ATP10A: variants seen among roughly 807,000 people sequenced by gnomAD.
ATP10A encodes the protein phospholipid-transporting ATPase VA.
ATP10A carries 111 observed loss-of-function variants against 147.8 expected under a neutral mutation model. That is an observed-to-expected ratio of 0.75 (90% CI 0.64 to 0.88). The LOEUF is 0.88. Among genes scored for constraint, ATP10A ranks in the 40% least tolerant of loss-of-function variants. The pLI, the probability that ATP10A is intolerant of heterozygous loss-of-function variation, is 0.00. For missense variants in ATP10A, 1,927 were observed against 1,959.0 expected (o/e 0.98, Z 0.31); for synonymous variants, 875 against 841.6 (o/e 1.04, Z -0.69).
chr15:25,688,787 A>G (rs760290354), intron 15 of ATP10A, among the ~76,000 whole-genome samples: 10 of 152,260 alleles, frequency 6.6e-5, no homozygotes, highest in Middle Eastern at 3.4e-3. Flanking sequence ...TAGAACATCA[A>G]TTTTCTGAAC....
chr15:25,770,151 G>A (rs974338284), intron 2 of ATP10A, among the ~76,000 whole-genome samples: 5 of 151,012 alleles, frequency 3.3e-5, no homozygotes, highest in African/African-American at 5.0e-5. Flanking sequence ...AACACGACCC[G>A]GGCGAGGTGG....
intron 10 of ATP10A, among the ~76,000 whole-genome samples, chr15:25,711,344 C>G: frequency 6.6e-6 from 1 of 152,218 alleles, no homozygotes; most frequent in Non-Finnish European, 1.5e-5. Flanking sequence ...ACAGGCAGAG[C>G]GATTCCCAGG....
intron 2 of ATP10A, among the ~76,000 whole-genome samples, chr15:25,772,716 C>T (rs1019682873): frequency 6.6e-6 from 1 of 152,188 alleles, no homozygotes; most frequent in African/African-American, 2.4e-5. Flanking sequence ...AGATCTGGCA[C>T]AATTCCTAAC....
At chr15:25,826,875 C>A (rs1892138207) in intron 1 of ATP10A, among the ~76,000 whole-genome samples, 3 of 152,134 alleles carry the variant, frequency 2.0e-5, no homozygotes, top group African/African-American at 7.2e-5. Context: ...CATCTATCTG[C>A]ACATGTAAGA....
intron 2 of ATP10A, among the ~76,000 whole-genome samples, chr15:25,740,673 G>T (rs927110612): frequency 6.6e-6 from 1 of 152,204 alleles, no homozygotes; most frequent in South Asian, 2.1e-4. Context: ...CATGGTCCTC[G>T]AAGGCTCTCA....
At chr15:25,699,444 C>T (rs1026068094) in intron 13 of ATP10A, among the ~76,000 whole-genome samples, 1 of 152,014 alleles carries the variant, frequency 6.6e-6, no homozygotes, top group African/African-American at 2.4e-5. Flanking sequence ...GAAATGTGAC[C>T]CAAAATGGAC....
intron 1 of ATP10A, among the ~76,000 whole-genome samples, chr15:25,836,268 C>T (rs538769986): frequency 5.9e-5 from 9 of 152,276 alleles, no homozygotes; most frequent in Admixed American, 1.3e-4. Flanking sequence ...TTTTCTTCCT[C>T]TTAGTTGCTA....
chr15:25,679,482 G>A lies in ATP10A; in HGVS notation c.4359C>T (p.Val1453=). ...GCTGCTCCGTCCGGGAGAACTGTAA[G>A]ACACTCCCCAGCCTGCTGACCAGCG... ...SWSLVSRLGS[V]LQFSRTEQLA... is the part of the protein sequence containing the mutation. Residue 1453 remains valine, a synonymous_variant, in exon 21 of 21, where the codon GTC becomes GTT. Transcript: ENST00000555815. The A allele has an allele frequency of 6.2e-7, 1 of 1,614,034 alleles. No homozygotes were observed. Among genetic ancestry groups the A allele is most frequent in the South Asian group, 1.1e-5 (1 of 91,082 alleles).
chr15:25,687,458 T>C (rs1217293095), intron 16 of ATP10A, among the ~76,000 whole-genome samples: 18 of 151,942 alleles, frequency 1.2e-4, no homozygotes, highest in Admixed American at 1.0e-3. Flanking sequence ...GACTTGCTAG[T>C]GTTATCCACC....
intron 10 of ATP10A, 116 bp downstream of exon 10, chr15:25,713,558 T>G: frequency 1.8e-6 from 2 of 1,105,942 alleles, no homozygotes; most frequent in Non-Finnish European, 2.6e-6. Context: ...CAATGGGCAT[T>G]TCTGTTGGAA....
chr15:25,675,900 C>G (rs1333934489), downstream of ATP10A, among the ~76,000 whole-genome samples: 1 of 151,870 alleles, frequency 6.6e-6, no homozygotes, highest in Non-Finnish European at 1.5e-5. Context: ...GAGCTGTGAT[C>G]ACACCCCTGC....
At chr15:25,702,155 CT>C in intron 12 of ATP10A, 55 bp from the exon 13 acceptor site, 1 of 1,523,946 alleles carries the variant, frequency 6.6e-7, no homozygotes, top group East Asian at 2.3e-5. Flanking sequence ...CCCCCCAATC[CT>C]TCTGGGGTGC....
At chr15:25,680,937 A>G (rs754910264) in intron 18 of ATP10A, 23 bp from the exon 19 acceptor site, 1 of 1,613,830 alleles carries the variant, frequency 6.2e-7, no homozygotes, top group Non-Finnish European at 8.5e-7. Context: ...GGGGTCCTGG[A>G]TCTGTAGGTC....
intron 2 of ATP10A, among the ~76,000 whole-genome samples, chr15:25,775,714 T>A (rs575546551): frequency 1.3e-5 from 2 of 152,252 alleles, no homozygotes; most frequent in African/African-American, 2.4e-5. Flanking sequence ...TTGTGGGCAC[T>A]CATCCAAACA....
chr15:25,813,913 G>T lies in ATP10A; in HGVS notation c.450-32690C>A, dbSNP rs1891539006. Among the ~76,000 whole-genome samples the T allele has an allele frequency of 2.0e-5, 3 of 151,870 alleles. No individual in the cohort carries two copies. The South Asian group carries it at 6.2e-4, about 32-fold the overall frequency. On this transcript the variant is annotated intron_variant, in intron 1 of 20. Coordinates refer to ENST00000555815, the MANE Select transcript of ATP10A (RefSeq NM_024490.4). Reference sequence around the variant, plus strand: ...GTAATCTATGGGACAACTTCTAGTAGCCTAATCTATCTGTAAATTCAAGTT... The same window carrying T: ...GTAATCTATGGGACAACTTCTAGTATCCTAATCTATCTGTAAATTCAAGTT...
chr15:25,757,796 C>T (rs570673003), intron 2 of ATP10A, among the ~76,000 whole-genome samples: 35 of 152,272 alleles, frequency 2.3e-4, no homozygotes, highest in East Asian at 5.8e-4. Flanking sequence ...TTAACTTCCT[C>T]GTAAAGCAAC....
At chr15:25,783,571 C>CT (rs1358157160) in intron 1 of ATP10A, among the ~76,000 whole-genome samples, 53 of 152,296 alleles carry the variant, frequency 3.5e-4, no homozygotes, top group African/African-American at 1.3e-3. Flanking sequence ...TAAGCCTCTA[C>CT]TTTTTTTAAA....
At chr15:25,781,833 A>G (rs1483592032) in intron 1 of ATP10A, among the ~76,000 whole-genome samples, 2 of 152,208 alleles carry the variant, frequency 1.3e-5, no homozygotes, top group African/African-American at 4.8e-5. Context: ...AGTACCAGTC[A>G]CAGCTTAACG....
intron 10 of ATP10A, 122 bp from the exon 11 acceptor site, chr15:25,708,422 A>G: frequency 1.3e-6 from 1 of 767,938 alleles, no homozygotes; most frequent in Non-Finnish European, 2.1e-6. Flanking sequence ...ATTTTCATAT[A>G]GAATTCAAAG....
Sources: allele counts gnomAD v4.1 joint callset (sites outside exome capture counted in the v4.1 genomes callset), GRCh38; gene constraint gnomAD v4.1.1; transcripts MANE v1.5; gene names NCBI Gene and HGNC (gene_info 2026-07-23, HGNC 2026-07-21).